The following TMEM268 variants were observed in gnomAD, a reference collection of about 807,000 sequenced individuals.
TMEM268 encodes transmembrane protein C9orf91.
A neutral mutation model predicts 39.1 loss-of-function variants in TMEM268; 24 were observed. That is an observed-to-expected ratio of 0.61 (90% CI 0.44 to 0.86). The LOEUF is 0.86. TMEM268 is among the 40% of genes least tolerant of loss of function. The probability of loss-of-function intolerance (pLI) is 0.00; values close to 1 mark genes in which losing one functional copy is unlikely to be tolerated. For synonymous variants in TMEM268, 176 were observed against 173.5 expected (o/e 1.01, Z -0.12); for missense variants, 409 against 428.6 (o/e 0.95, Z 0.40).
chr9:114,613,129 C>T (rs556233367), intron 1 of TMEM268, among the ~76,000 whole-genome samples: 15 of 152,292 alleles, frequency 9.8e-5, no homozygotes, highest in Middle Eastern at 3.4e-3. Context: ...AGGTGAGAAG[C>T]GGCAGGACAG....
chr9:114,617,294 G>A lies in TMEM268; in HGVS notation c.99G>A (p.Trp33Ter). 1.2e-6 allele frequency: 2 copies of A among 1,612,246 alleles called. No individual in the cohort carries two copies. Among genetic ancestry groups the A allele is most frequent in the Non-Finnish European group, 1.7e-6 (2 of 1,178,648 alleles). The change falls in exon 2 of 9, where the codon TGG becomes TGA. Residue 33 changes from tryptophan (W) to a stop codon, truncating the protein, a stop_gained. Transcript: ENST00000288502. LOFTEE classifies it high-confidence loss of function. ...TGCCTGGAGGGAGCCCTCCTGGCTGGGGGCAAGGTAAGATCATGACCTTTC... is the reference window on the plus strand; with the variant it reads ...TGCCTGGAGGGAGCCCTCCTGGCTGAGGGCAAGGTAAGATCATGACCTTTC... The part of the protein sequence containing the change: ...SALPGGSPPG[W>*]GQELHNGQVL...
chr9:114,636,148 G>A, intron 6 of TMEM268, among the ~76,000 whole-genome samples: 1 of 152,206 alleles, frequency 6.6e-6, no homozygotes, highest in East Asian at 1.9e-4. Context: ...GGCAGCTGTG[G>A]TCTTGACAGG....
At chr9:114,604,756 C>T in the TMEM268 span, among the ~76,000 whole-genome samples, 2 of 152,026 alleles carry the variant, frequency 1.3e-5, no homozygotes, top group African/African-American at 2.4e-5. Flanking sequence ...GCCACATGTC[C>T]AATCTCTGCT....
upstream of TMEM268, among the ~76,000 whole-genome samples, chr9:114,610,299 A>G (rs977465510): frequency 2.0e-5 from 3 of 152,108 alleles, no homozygotes; most frequent in African/African-American, 7.2e-5. Context: ...TCGGCCTCCC[A>G]AAGTGCTGGG....
chr9:114,624,388 G>A lies in TMEM268; in HGVS notation c.145G>A (p.Asp49Asn). The A allele has an allele frequency of 6.2e-7, 1 of 1,604,304 alleles. No individual in the cohort carries two copies. Among genetic ancestry groups the A allele is most frequent in the Non-Finnish European group, 8.5e-7 (1 of 1,174,940 alleles). ...CCAGGTCCTCACTGTTCTCCGGATT[G>A]ACAATACCTGTGCACCCATCTCCTT... ...NGQVLTVLRI[D>N]NTCAPISFDL... is the part of the protein sequence containing the mutation. The change falls in exon 3 of 9, where the codon GAC becomes AAC. Residue 49 changes from aspartate to asparagine, a missense_variant. Physicochemically the swap from Asp to Asn is conservative, Grantham distance 23. Transcript: ENST00000288502.
At chr9:114,622,334 C>G in intron 2 of TMEM268, 3 of 985,376 alleles carry the variant, frequency 3.0e-6, no homozygotes, top group Non-Finnish European at 3.6e-6. Flanking sequence ...AATATCCAGT[C>G]CTCAGCAGTG....
chr9:114,619,458 G>A (rs745318629), intron 2 of TMEM268, among the ~76,000 whole-genome samples: 7 of 152,198 alleles, frequency 4.6e-5, no homozygotes, highest in Non-Finnish European at 8.8e-5. Flanking sequence ...CTCTTGGTTC[G>A]AAAGGCAAAC....
At chr9:114,612,577 G>A (rs1284069258) in intron 1 of TMEM268, among the ~76,000 whole-genome samples, 1 of 152,196 alleles carries the variant, frequency 6.6e-6, no homozygotes, top group African/African-American at 2.4e-5. Context: ...CAGCTTCCTG[G>A]TTGAATGAGG....
chr9:114,606,351 T>C (rs958045339), upstream of TMEM268, among the ~76,000 whole-genome samples: 1 of 152,206 alleles, frequency 6.6e-6, no homozygotes, highest in Non-Finnish European at 1.5e-5. Context: ...CTGTCTGACT[T>C]CCAGCACACC....
chr9:114,629,077 A>G (rs114342192), intron 5 of TMEM268, among the ~76,000 whole-genome samples: 1 of 152,232 alleles, frequency 6.6e-6, no homozygotes, highest in Non-Finnish European at 1.5e-5. Context: ...CATGCTGCTA[A>G]TAAATGCCAG....
At chr9:114,631,612 T>C (rs1004672926) in intron 5 of TMEM268, among the ~76,000 whole-genome samples, 2 of 152,178 alleles carry the variant, frequency 1.3e-5, no homozygotes, top group African/African-American at 4.8e-5. Context: ...CAAGGTTATA[T>C]GGGCAGTGAG....
chr9:114,639,621 A>G (rs575973183), intron 8 of TMEM268, among the ~76,000 whole-genome samples: 23 of 151,922 alleles, frequency 1.5e-4, no homozygotes, highest in Non-Finnish European at 2.8e-4. Context: ...AAGAGCACTT[A>G]TATCTTTTCA....
chr9:114,614,726 G>A (rs1373470298), intron 1 of TMEM268, among the ~76,000 whole-genome samples: 1 of 152,104 alleles, frequency 6.6e-6, no homozygotes, highest in African/African-American at 2.4e-5. Flanking sequence ...TAGCAGGGCT[G>A]GTGTGTCATC....
At chr9:114,638,431 A>C in intron 7 of TMEM268, 113 bp from the exon 8 acceptor site, 1 of 703,952 alleles carries the variant, frequency 1.4e-6, no homozygotes. Context: ...TGAGGTCATC[A>C]TCTGAGTCTG....
At chr9:114,608,306 T>G (rs761796496), upstream of TMEM268, among the ~76,000 whole-genome samples, 37 of 152,258 alleles carry the variant, frequency 2.4e-4, no homozygotes, top group Non-Finnish European at 4.6e-4. Context: ...AGCAGTTATC[T>G]GCCTTTCATA....
At chr9:114,605,884 T>C in the TMEM268 span, among the ~76,000 whole-genome samples, 4 of 152,104 alleles carry the variant, frequency 2.6e-5, no homozygotes, top group South Asian at 2.1e-4. Context: ...TGAGCCAAGA[T>C]TGTGCCACTG....
At chr9:114,609,239 A>G (rs1030304208), upstream of TMEM268, among the ~76,000 whole-genome samples, 1 of 152,058 alleles carries the variant, frequency 6.6e-6, no homozygotes, top group Non-Finnish European at 1.5e-5. Flanking sequence ...TGAACCCGGG[A>G]GGTGGAGGCT....
At position 114,626,921 on chromosome 9, in the gene TMEM268, G is replaced by T; in HGVS notation, c.239G>T (p.Ser80Ile). 6.2e-7 allele frequency: 1 copy of T among 1,613,732 alleles called. No homozygotes were observed. Among genetic ancestry groups the T allele is most frequent in the African/African-American group, 1.3e-5 (1 of 75,038 alleles). The change falls in exon 4 of 9, where the codon AGC becomes ATC. Residue 80 changes from serine (S) to isoleucine (I), a missense_variant. Coordinates refer to ENST00000288502, the MANE Select transcript of TMEM268 (RefSeq NM_153045.4). The stretch of plus-strand genomic sequence containing the variant: ...CAGGTCCCGGCTGACCAGTACAGGA[G>T]CTTGGCTGAGAGTGCCCTCTTGGAG... ...GIQVPADQYR[S>I]LAESALLEPQ...
chr9:114,614,783 G>A (rs1259880388), intron 1 of TMEM268, among the ~76,000 whole-genome samples: 1 of 152,192 alleles, frequency 6.6e-6, no homozygotes, highest in Non-Finnish European at 1.5e-5. Context: ...TGATTTTCAG[G>A]CCTGCTGGAG....
Sources: gnomAD v4.1 joint callset for allele counts (sites outside exome capture counted in the v4.1 genomes callset) on GRCh38, gnomAD v4.1.1 for gene constraint, MANE v1.5 for transcripts, NCBI Gene and HGNC (gene_info 2026-07-23, HGNC 2026-07-21) for gene names.